The following CAB39 variants were observed in gnomAD, a reference collection of about 807,000 sequenced individuals.
CAB39 encodes the protein calcium binding protein 39.
A neutral mutation model predicts 40.0 loss-of-function variants in CAB39; 8 were observed. The ratio of observed to expected loss-of-function variants is 0.20; its 90% CI spans 0.12 to 0.36. The LOEUF (loss-of-function observed/expected upper bound fraction) is 0.36. CAB39 is among the 10% of genes least tolerant of loss of function. CAB39 has a pLI of 1.00. For synonymous variants in CAB39, 156 were observed against 141.6 expected (o/e 1.10, Z -0.72); for missense variants, 270 against 401.1 (o/e 0.67, Z 2.79).
intron 1 of CAB39, among the ~76,000 whole-genome samples, chr2:230,723,977 C>T (rs1694503873): frequency 6.6e-6 from 1 of 152,190 alleles, no homozygotes; most frequent in African/African-American, 2.4e-5. Flanking sequence ...GGCGTGGTGG[C>T]TCGCACCTGT....
In CAB39 at chr2:230,820,416, T is replaced by C. The variant is rs1440816827; in HGVS notation, c.*1712T>C. On this transcript the variant is annotated 3_prime_UTR_variant, in exon 9 of 9. Coordinates refer to ENST00000258418, the MANE Select transcript of CAB39 (RefSeq NM_016289.4). ...ATTAAAATGGCAGTCTACATCATAA[T>C]TGGCATTTCTCAAGACTGTCTTTAC... The C allele has an allele frequency of 2.0e-5, 3 of 152,206 alleles. No homozygotes were observed. The highest frequency in any genetic ancestry group is 2.9e-5 in the Non-Finnish European group (2 of 68,030). The allele number at this position is 152,206 out of a possible 1,614,324, so 9.4% of individuals were successfully genotyped here.
intron 2 of CAB39, among the ~76,000 whole-genome samples, chr2:230,771,492 G>A (rs919179143): frequency 6.6e-6 from 1 of 152,280 alleles, no homozygotes; most frequent in Admixed American, 6.5e-5. Context: ...GCCCAAATAA[G>A]CAGGAGATAC....
intron 2 of CAB39, among the ~76,000 whole-genome samples, chr2:230,763,237 T>C (rs1423630004): frequency 6.6e-6 from 1 of 152,210 alleles, no homozygotes; most frequent in Non-Finnish European, 1.5e-5. Context: ...AGCTGGCTTA[T>C]CTTAGCTATG....
At chr2:230,726,281 G>A (rs1009142170) in intron 1 of CAB39, among the ~76,000 whole-genome samples, 2 of 151,878 alleles carry the variant, frequency 1.3e-5, no homozygotes, top group African/African-American at 4.8e-5. Flanking sequence ...TCGTGCCTTA[G>A]CCTCCTGAGT....
chr2:230,816,603 C>G (rs1696406146), intron 7 of CAB39, among the ~76,000 whole-genome samples: 2 of 152,192 alleles, frequency 1.3e-5, no homozygotes, highest in Admixed American at 1.3e-4. Flanking sequence ...AGAACATAGC[C>G]AGAAACCCAG....
intron 6 of CAB39, among the ~76,000 whole-genome samples, chr2:230,811,717 G>A (rs1229879570): frequency 6.6e-6 from 1 of 152,220 alleles, no homozygotes; most frequent in African/African-American, 2.4e-5. Context: ...GAACGTGTAT[G>A]TGACGTGCAT....
chr2:230,717,670 G>A (rs1694375679), intron 1 of CAB39, among the ~76,000 whole-genome samples: 1 of 152,238 alleles, frequency 6.6e-6, no homozygotes, highest in Non-Finnish European at 1.5e-5. Flanking sequence ...GGCCTAGGTG[G>A]CAGATCATAG....
At chr2:230,731,201 A>G in intron 1 of CAB39, among the ~76,000 whole-genome samples, 1 of 152,224 alleles carries the variant, frequency 6.6e-6, no homozygotes, top group East Asian at 1.9e-4. Context: ...GTAAATGTAA[A>G]TAAAACAATG....
intron 1 of CAB39, among the ~76,000 whole-genome samples, chr2:230,749,645 C>T (rs1264636990): frequency 3.9e-5 from 6 of 152,054 alleles, no homozygotes; most frequent in Admixed American, 6.6e-5. Context: ...TTTTTCATAT[C>T]GGTAGAAATC....
intron 2 of CAB39, among the ~76,000 whole-genome samples, chr2:230,764,574 T>G (rs890311310): frequency 6.6e-6 from 1 of 152,216 alleles, no homozygotes; most frequent in Admixed American, 6.5e-5. Context: ...ATTAACATTT[T>G]TAAATAACAC....
At chr2:230,809,380 C>T (rs141282727) in intron 5 of CAB39, among the ~76,000 whole-genome samples, 2 of 152,320 alleles carry the variant, frequency 1.3e-5, no homozygotes, top group East Asian at 1.9e-4. Context: ...GGGAGAAAGG[C>T]GATGATTGGC....
chr2:230,720,268 T>G (rs1015460654), intron 1 of CAB39, among the ~76,000 whole-genome samples: 1 of 152,210 alleles, frequency 6.6e-6, no homozygotes, highest in Non-Finnish European at 1.5e-5. Context: ...ATGCTTTGGC[T>G]GTGGTTGGTA....
chr2:230,798,709 T>G lies in CAB39; in HGVS notation c.399-20T>G. 1 of 1,571,482 alleles carries G rather than the reference T, an allele frequency of 6.4e-7. No individual in the cohort carries two copies. The highest frequency in any genetic ancestry group is 8.7e-7 in the Non-Finnish European group (1 of 1,154,954). On this transcript the variant is annotated intron_variant, in intron 4 of 8. Coordinates refer to ENST00000258418, the MANE Select transcript of CAB39 (RefSeq NM_016289.4). ...AAGCAATCATGTTTGGTTTGTTTGT[T>G]TGGTTTTTTGTTTTTGCAGGTATGA...
intron 1 of CAB39, among the ~76,000 whole-genome samples, chr2:230,724,510 C>T (rs772058081): frequency 2.6e-5 from 4 of 151,700 alleles, no homozygotes; most frequent in Non-Finnish European, 5.9e-5. Flanking sequence ...GGAGAAATCC[C>T]GCCTCCACTA....
intron 5 of CAB39, among the ~76,000 whole-genome samples, chr2:230,806,789 T>A (rs570166038): frequency 6.6e-6 from 1 of 152,042 alleles, no homozygotes; most frequent in Non-Finnish European, 1.5e-5. Context: ...ACTGGAAAAA[T>A]TGAGTTTCTT....
chr2:230,731,911 C>G (rs1030892103), intron 1 of CAB39, among the ~76,000 whole-genome samples: 2 of 152,128 alleles, frequency 1.3e-5, no homozygotes, highest in Admixed American at 6.5e-5. Context: ...TTTCGAACTT[C>G]GTGTTGTTAA....
chr2:230,764,930 A>G (rs983540891), intron 2 of CAB39, among the ~76,000 whole-genome samples: 5 of 152,350 alleles, frequency 3.3e-5, no homozygotes, highest in African/African-American at 1.2e-4. Flanking sequence ...GTATATTCAA[A>G]GGTCAAGATT....
rs1695923263 is a variant in CAB39 at position 230,793,330 on chromosome 2, G to T, written c.397G>T (p.Gly133Trp). 1 of 1,482,532 alleles carries T rather than the reference G, an allele frequency of 6.7e-7. No homozygotes were observed. Among genetic ancestry groups the T allele is most frequent in the Non-Finnish European group, 9.4e-7 (1 of 1,069,486 alleles). The allele number at this position is 1,482,532 out of a possible 1,614,324, so 91.8% of individuals were successfully genotyped here. Residue 133 changes from glycine (G) to tryptophan (W), a missense_variant and splice_region_variant, in exon 4 of 9, where the codon GGG (glycine) becomes TGG (tryptophan). Coordinates refer to ENST00000258418, the MANE Select transcript of CAB39 (RefSeq NM_016289.4). ...QQNILFMLLKGYESPEIALNC... is the reference protein window; with the variant it reads ...QQNILFMLLKWYESPEIALNC... ...GAATATTTTGTTCATGTTATTGAAAGGGTATGTACAATGTAATAAAATTTG... is the reference window on the plus strand; with the variant it reads ...GAATATTTTGTTCATGTTATTGAAATGGTATGTACAATGTAATAAAATTTG...
chr2:230,727,997 G>C (rs994286779), intron 1 of CAB39, among the ~76,000 whole-genome samples: 1 of 152,162 alleles, frequency 6.6e-6, no homozygotes, highest in African/African-American at 2.4e-5. Flanking sequence ...CCAGCACTTT[G>C]GGAGGCCGAG....
Sources: allele counts gnomAD v4.1 joint callset (sites outside exome capture counted in the v4.1 genomes callset), GRCh38; gene constraint gnomAD v4.1.1; transcripts MANE v1.5; gene names NCBI Gene and HGNC (gene_info 2026-07-23, HGNC 2026-07-21).